The following RFC5 variants were observed in gnomAD, a reference collection of about 807,000 sequenced individuals.
The protein encoded by RFC5 is A1 36 kDa subunit.
Under a neutral mutation model 44.3 loss-of-function variants are expected in RFC5, and 26 were observed. The observed-to-expected ratio is 0.59, with a 90% confidence interval of 0.43 to 0.81. RFC5 has a LOEUF of 0.81. RFC5 is among the 40% of genes least tolerant of loss of function. The probability of loss-of-function intolerance (pLI) is 0.00; values close to 1 mark genes in which losing one functional copy is unlikely to be tolerated. For missense variants in RFC5, 328 were observed against 418.6 expected (o/e 0.78, Z 1.89); for synonymous variants, 155 against 155.2 (o/e 1.00, Z 0.01).
intron 5 of RFC5, among the ~76,000 whole-genome samples, chr12:118,023,706 C>G (rs2030712852): frequency 6.6e-6 from 1 of 152,056 alleles, no homozygotes; most frequent in Admixed American, 6.6e-5. Context: ...GCTCTAAGGC[C>G]TCCAGACAGT....
In RFC5 at chr12:118,019,319, G is replaced by C. The variant is rs537925018; in HGVS notation, c.130+183G>C. ...AGTCCAGTGGGTAAGTCACAAACAT[G>C]AGCATAAAATTGCAACACAGTGGAG... On this transcript the variant is annotated intron_variant, in intron 2 of 10. Coordinates refer to ENST00000454402, the MANE Select transcript of RFC5 (RefSeq NM_007370.7). This position sits in a 1 kb window ranked among gnomAD's most constrained non-coding sequence, Gnocchi z 4.2. 1.3e-5 allele frequency among the ~76,000 whole-genome samples: 2 copies of C among 152,146 alleles called. No individual in the cohort carries two copies. The highest frequency in any genetic ancestry group is 4.8e-5 in the African/African-American group (2 of 41,430).
chr12:118,036,369 G>T (rs2031510521), downstream of RFC5: 1 of 1,614,134 alleles, frequency 6.2e-7, no homozygotes, highest in Non-Finnish European at 8.5e-7. Flanking sequence ...CCGGTGTAGG[G>T]GTCCCACATA....
chr12:118,039,317 T>C, the RFC5 span, among the ~76,000 whole-genome samples: 1 of 152,082 alleles, frequency 6.6e-6, no homozygotes, highest in Admixed American at 6.6e-5. Flanking sequence ...CCCGTCCATA[T>C]AGAGGATGGG....
At chr12:118,027,829 AG>A in intron 8 of RFC5, 123 bp from the exon 9 acceptor site, 2 of 638,934 alleles carry the variant, frequency 3.1e-6, no homozygotes, top group South Asian at 3.8e-5. Context: ...AAGTTGAAAG[AG>A]AAACAGTTGT....
chr12:118,031,141 T>C, intron 10 of RFC5, 41 bp from the exon 11 acceptor site: 1 of 1,405,332 alleles, frequency 7.1e-7, no homozygotes, highest in Non-Finnish European at 1.0e-6. Context: ...GGCAGCTGTG[T>C]TTGGTGTCTT....
At chr12:118,034,099 T>C, downstream of RFC5, 1 of 1,496,754 alleles carries the variant, frequency 6.7e-7, no homozygotes, top group Non-Finnish European at 9.2e-7. Context: ...AGAAATGCTA[T>C]TTCAATGCAA....
the RFC5 span, among the ~76,000 whole-genome samples, chr12:118,040,166 C>CT: frequency 3.9e-5 from 6 of 152,016 alleles, no homozygotes; most frequent in Admixed American, 3.9e-4. Context: ...CAGTGAGACT[C>CT]TGTCTCAAAA....
At chr12:118,021,855 G>A (rs1481066958) in intron 4 of RFC5, among the ~76,000 whole-genome samples, 1 of 152,082 alleles carries the variant, frequency 6.6e-6, no homozygotes, top group Non-Finnish European at 1.5e-5. Context: ...CACTCAGGAG[G>A]CTGAGGCAGG....
At position 118,029,766 on chromosome 12, in the gene RFC5, C is replaced by G; in HGVS notation, c.872-5C>G. ...CTAACTCATTTGATTTTGTTTTTCC[C>G]TCAGTTGACTTTCCATCTTCAGTTC... On this transcript the variant is annotated splice_region_variant and splice_polypyrimidine_tract_variant and intron_variant, in intron 9 of 10. Coordinates refer to ENST00000454402, the MANE Select transcript of RFC5 (RefSeq NM_007370.7). The G allele has an allele frequency of 6.2e-7, 1 of 1,603,388 alleles. No homozygotes were observed. The highest frequency in any genetic ancestry group is 8.5e-7 in the Non-Finnish European group (1 of 1,170,318).
Position 118,025,847 on chromosome 12 carries a change from C to CAT in RFC5, c.663+19_663+20insAT. The CAT allele has an allele frequency of 7.5e-7, 1 of 1,338,556 alleles. No homozygotes were observed. Among genetic ancestry groups the CAT allele is most frequent in the Non-Finnish European group, 1.1e-6 (1 of 951,560 alleles). The allele number at this position is 1,338,556 out of a possible 1,614,324, so 82.9% of individuals were successfully genotyped here. Reference sequence around the variant, plus strand: ...TTTGCAGGTATGGTCTCAAGCAAATCCTTTTTTTTTTTTTTTTTTGAGACA... The same window carrying CAT: ...TTTGCAGGTATGGTCTCAAGCAAATCATCTTTTTTTTTTTTTTTTTTGAGACA... On this transcript the variant is annotated intron_variant, in intron 7 of 10. Coordinates refer to ENST00000454402, the MANE Select transcript of RFC5 (RefSeq NM_007370.7).
At chr12:118,029,707 G>A (rs2031187734) in intron 9 of RFC5, 64 bp from the exon 10 acceptor site, 1 of 1,071,160 alleles carries the variant, frequency 9.3e-7, no homozygotes, top group African/African-American at 1.6e-5. Context: ...AAACTCATTT[G>A]TCCTCTGTGG....
At chr12:118,024,123 T>C (rs5745854) in intron 5 of RFC5, among the ~76,000 whole-genome samples, 4,079 of 152,036 alleles carry the variant, frequency 0.027, 108 homozygotes, top group Non-Finnish European at 0.032. Flanking sequence ...GGGCGAATCA[T>C]GAGGTCAGGA....
rs560963588 is a variant in RFC5, at chr12:118,022,270, C to A, written c.348-16C>A. On this transcript the variant is annotated splice_polypyrimidine_tract_variant and intron_variant, in intron 4 of 10. Coordinates refer to ENST00000454402, the MANE Select transcript of RFC5 (RefSeq NM_007370.7). Reference sequence around the variant, plus strand: ...AGATTGAAGAAATCTTTAGACAGCACCATTTGTTTTTCTAGGAAAGGCTTT... The same window carrying A: ...AGATTGAAGAAATCTTTAGACAGCAACATTTGTTTTTCTAGGAAAGGCTTT... The A allele has an allele frequency of 6.2e-7, 1 of 1,603,298 alleles. No individual in the cohort carries two copies. Among genetic ancestry groups the A allele is most frequent in the East Asian group, 2.2e-5 (1 of 44,808 alleles).
At position 118,025,787 on chromosome 12, in the gene RFC5, C is replaced by G. The variant is rs1303167462; in HGVS notation, c.622C>G (p.Leu208Val). 1 of 1,608,790 alleles carries G rather than the reference C, an allele frequency of 6.2e-7. No homozygotes were observed. Among genetic ancestry groups the G allele is most frequent in the Non-Finnish European group, 8.5e-7 (1 of 1,177,406 alleles). ...AGATGGAATGAAAGCACTAGTCACT[C>G]TTTCCAGTGGAGACATGCGTAGGGC... ...SEDGMKALVT[L>V]SSGDMRRALN... The change falls in exon 7 of 11, where the codon CTT (leucine) becomes GTT (valine). Residue 208 changes from leucine (L) to valine (V), a missense_variant. Transcript: ENST00000454402.
chr12:118,038,399 A>G, the RFC5 span: 1 of 1,613,396 alleles, frequency 6.2e-7, no homozygotes, highest in Non-Finnish European at 8.5e-7. Context: ...CTGGCAGGAA[A>G]AAGAAGCAAA....
At chr12:118,020,824 A>G (rs2030433234) in intron 3 of RFC5, 82 bp from the exon 4 acceptor site, 1 of 827,110 alleles carries the variant, frequency 1.2e-6, no homozygotes, top group Non-Finnish European at 2.1e-6. Context: ...AGCTGGACTG[A>G]TGAGGAAATA....
At chr12:118,035,552 T>C (rs545823008), downstream of RFC5, 18 of 507,440 alleles carry the variant, frequency 3.5e-5, no homozygotes, top group East Asian at 5.2e-4. Context: ...CTTGTGCTAA[T>C]TTGCTTATGC....
rs768723472 is a variant in RFC5 at position 118,016,851 on chromosome 12, G to C, written c.24G>C (p.Gln8His). Reference sequence around the variant, plus strand: ...CCATGGAGACCTCAGCACTCAAGCAGCAGGAGCAGCCCGCGGCGACCAAGA... The same window carrying C: ...CCATGGAGACCTCAGCACTCAAGCACCAGGAGCAGCCCGCGGCGACCAAGA... METSALK[Q>H]QEQPAATKIR... Residue 8 changes from glutamine (Q) to histidine (H), a missense_variant, in exon 1 of 11, where the codon CAG (glutamine) becomes CAC (histidine). By Grantham distance (24) the Gln-to-His change is conservative. Transcript: ENST00000454402. 3.1e-6 allele frequency: 5 copies of C among 1,613,566 alleles called. No homozygotes were observed. Among genetic ancestry groups the C allele is most frequent in the Non-Finnish European group, 8.5e-7 (1 of 1,179,786 alleles).
chr12:118,031,131 G>T (rs977452872), intron 10 of RFC5, 51 bp from the exon 11 acceptor site: 1 of 1,307,892 alleles, frequency 7.6e-7, no homozygotes, highest in African/African-American at 1.5e-5. Flanking sequence ...CTTAAGAAAA[G>T]GCAGCTGTGT....
Sources: allele counts gnomAD v4.1 joint callset (sites outside exome capture counted in the v4.1 genomes callset), GRCh38; gene constraint gnomAD v4.1.1; non-coding constraint Gnocchi (gnomAD v3.1); transcripts MANE v1.5; gene names NCBI Gene and HGNC (gene_info 2026-07-23, HGNC 2026-07-21).